KAZN: variants seen among roughly 807,000 people sequenced by gnomAD.
The protein encoded by KAZN is kazrin, periplakin interacting protein.
A neutral mutation model predicts 87.4 loss-of-function variants in KAZN; 40 were observed. That is an observed-to-expected ratio of 0.46 (90% CI 0.36 to 0.60). The LOEUF is 0.60. KAZN is among the 20% of genes least tolerant of loss of function. The pLI is 0.00. For synonymous variants in KAZN, 466 were observed against 458.3 expected (o/e 1.02, Z -0.22); for missense variants, 898 against 1,073.9 (o/e 0.84, Z 2.29).
intron 1 of KAZN, among the ~76,000 whole-genome samples, chr1:14,662,098 T>A (rs548391542): frequency 1.3e-5 from 2 of 152,282 alleles, no homozygotes; most frequent in South Asian, 4.1e-4. Flanking sequence ...ATCTGAGGTG[T>A]CTGTGTGCCC....
At chr1:14,809,649 A>C (rs1557513305) in intron 1 of KAZN, among the ~76,000 whole-genome samples, 2 of 152,214 alleles carry the variant, frequency 1.3e-5, no homozygotes, top group Admixed American at 1.3e-4. Flanking sequence ...TGATTTTTTA[A>C]AAATTTCTGG....
intron 1 of KAZN, among the ~76,000 whole-genome samples, chr1:14,732,748 G>A (rs1643735102): frequency 6.6e-6 from 1 of 152,068 alleles, no homozygotes; most frequent in Non-Finnish European, 1.5e-5. Context: ...TTAGTAAGTT[G>A]TTTGGCCCTA....
chr1:14,677,664 A>G (rs1640309680), intron 1 of KAZN, among the ~76,000 whole-genome samples: 1 of 152,146 alleles, frequency 6.6e-6, no homozygotes, highest in Non-Finnish European at 1.5e-5. Flanking sequence ...CATCATGTGG[A>G]GAGGAGGACA....
chr1:13,909,046 G>A lies in KAZN; in HGVS notation c.91+15290G>A, dbSNP rs567398728. ...AGGTGGGTGAAGTCCACCAAGTCAG[G>A]GAAAGTCGGTAGGTGCTTTCTTATC... is the stretch of plus-strand genomic sequence containing the variant. On this transcript the variant is annotated intron_variant, in intron 1 of 16. Transcript: ENST00000636203. 5.3e-5 allele frequency among the ~76,000 whole-genome samples: 8 copies of A among 152,268 alleles called. No individual in the cohort carries two copies. The South Asian group carries it at 1.7e-3, about 32-fold the overall frequency.
intron 1 of KAZN, among the ~76,000 whole-genome samples, chr1:14,796,650 C>T (rs573885009): frequency 2.9e-3 from 445 of 152,372 alleles, no homozygotes; most frequent in Non-Finnish European, 4.1e-3. Context: ...TGGAAGATCA[C>T]TGTCTCTTCA....
intron 2 of KAZN, among the ~76,000 whole-genome samples, chr1:14,349,867 T>G (rs1658395876): frequency 6.6e-6 from 1 of 151,972 alleles, no homozygotes; most frequent in Admixed American, 6.5e-5. Flanking sequence ...CCCGGTGCGG[T>G]GGCTCACGCC....
At chr1:14,927,098 G>A (rs568185397) in intron 1 of KAZN, among the ~76,000 whole-genome samples, 6 of 152,290 alleles carry the variant, frequency 3.9e-5, no homozygotes, top group South Asian at 2.1e-4. Context: ...CTTCTGCCTC[G>A]ATTGCGTTTT....
chr1:14,193,470 G>A (rs1646463815), intron 2 of KAZN, among the ~76,000 whole-genome samples: 1 of 152,094 alleles, frequency 6.6e-6, no homozygotes, highest in South Asian at 2.1e-4. Flanking sequence ...CTGGAACAGA[G>A]GCTCCCTTAG....
At chr1:14,645,817 C>T (rs1002713989) in intron 1 of KAZN, among the ~76,000 whole-genome samples, 8 of 152,158 alleles carry the variant, frequency 5.3e-5, no homozygotes, top group Non-Finnish European at 1.0e-4. Context: ...GCATCCTTGT[C>T]TTGTGCCAGT....
At chr1:14,452,423 G>C (rs1031274110) in intron 2 of KAZN, among the ~76,000 whole-genome samples, 1 of 152,182 alleles carries the variant, frequency 6.6e-6, no homozygotes, top group African/African-American at 2.4e-5. Context: ...TAAAAAATAA[G>C]TTTGGTTTTG....
intron 2 of KAZN, among the ~76,000 whole-genome samples, chr1:14,198,708 A>G (rs989793740): frequency 6.6e-6 from 1 of 152,220 alleles, no homozygotes; most frequent in Non-Finnish European, 1.5e-5. Flanking sequence ...GTTTATAACT[A>G]TTAATATGAA....
intron 1 of KAZN, among the ~76,000 whole-genome samples, chr1:14,013,875 G>A (rs1230855589): frequency 6.6e-6 from 1 of 152,134 alleles, no homozygotes; most frequent in Non-Finnish European, 1.5e-5. Flanking sequence ...AGATCATGAC[G>A]ATGATGGCTC....
At chr1:14,617,054 G>A (rs1678307198) in intron 1 of KAZN, among the ~76,000 whole-genome samples, 1 of 152,188 alleles carries the variant, frequency 6.6e-6, no homozygotes, top group African/African-American at 2.4e-5. Flanking sequence ...CAGCAACCTT[G>A]GTTGTGTGAC....
chr1:14,480,210 G>A (rs1668993734), intron 2 of KAZN, among the ~76,000 whole-genome samples: 1 of 152,228 alleles, frequency 6.6e-6, no homozygotes. Context: ...TGGAGCAAGG[G>A]TAGCAAACGT....
rs558610735 is a variant in KAZN at position 15,117,849 on chromosome 1, C to T, written c.*3214C>T. 3.3e-5 allele frequency: 5 copies of T among 152,368 alleles called. No individual in the cohort carries two copies. Among genetic ancestry groups the T allele is most frequent in the African/African-American group, 1.2e-4 (5 of 41,582 alleles). 9.4% of individuals were successfully genotyped at this position (152,368 alleles called of 1,614,324 possible). ...GAAGAAAGCCTGTGGGCAATGGCAA[C>T]CTCTGAGTCTGGCATTCTTGCCAAT... On this transcript the variant is annotated 3_prime_UTR_variant, in exon 15 of 15. Transcript: ENST00000376030.
chr1:14,634,650 G>T (rs980504115), intron 1 of KAZN, among the ~76,000 whole-genome samples: 2 of 152,196 alleles, frequency 1.3e-5, no homozygotes, highest in Non-Finnish European at 1.5e-5. Flanking sequence ...TGTTTATGTG[G>T]CTCCTGGACA....
chr1:14,428,057 A>G (rs910517685), intron 2 of KAZN, among the ~76,000 whole-genome samples: 1 of 152,188 alleles, frequency 6.6e-6, no homozygotes, highest in Non-Finnish European at 1.5e-5. Context: ...TTATAGTCAC[A>G]TTCTATGTAA....
At chr1:14,655,878 C>T (rs949235031) in intron 1 of KAZN, among the ~76,000 whole-genome samples, 6 of 152,166 alleles carry the variant, frequency 3.9e-5, no homozygotes, top group African/African-American at 1.2e-4. Flanking sequence ...AAATGAGACA[C>T]AGGGTTTTAC....
At chr1:14,304,180 A>G (rs564621807) in intron 2 of KAZN, among the ~76,000 whole-genome samples, 1 of 152,340 alleles carries the variant, frequency 6.6e-6, no homozygotes, top group East Asian at 1.9e-4. Context: ...AATTTGAATG[A>G]CATTCTTCAG....
Sources: allele counts gnomAD v4.1 joint callset (sites outside exome capture counted in the v4.1 genomes callset), GRCh38; gene constraint gnomAD v4.1.1; transcripts MANE v1.5; gene names NCBI Gene and HGNC (gene_info 2026-07-23, HGNC 2026-07-21).